The following FREM1 variants were observed in gnomAD, a reference collection of about 807,000 sequenced individuals.
FREM1 encodes the protein FRAS1-related extracellular matrix protein 1.
FREM1 carries 220 observed loss-of-function variants against 210.1 expected under a neutral mutation model. That is an observed-to-expected ratio of 1.05 (90% CI 0.94 to 1.17). The LOEUF is 1.17. Among genes scored for constraint, FREM1 ranks in the 50% most tolerant of loss-of-function variants. FREM1 has a pLI of 0.00. For missense variants in FREM1, 3,454 were observed against 2,675.5 expected (o/e 1.29, Z -6.42); for synonymous variants, 1,189 against 980.2 (o/e 1.21, Z -3.98).
chr9:14,820,503 C>G (rs927474820), intron 13 of FREM1, among the ~76,000 whole-genome samples: 3 of 152,162 alleles, frequency 2.0e-5, no homozygotes, highest in Non-Finnish European at 4.4e-5. Context: ...AGGATGACAA[C>G]AAATTGGAAG....
chr9:14,803,840 T>C (rs1041230511), intron 19 of FREM1, among the ~76,000 whole-genome samples: 15 of 152,260 alleles, frequency 9.9e-5, no homozygotes, highest in African/African-American at 3.6e-4. Context: ...TAAAGTGGCA[T>C]CATAGTTCAA....
Position 14,748,420 on chromosome 9 carries a change from G to A in FREM1, c.5777C>T (p.Thr1926Ile), listed in dbSNP as rs558279436. ...CCTTACTGTTTTGCCATTCCCACGGGTCCTAAGCTTCCTTTGAGAAAGATC... is the reference window on the plus strand; with the variant it reads ...CCTTACTGTTTTGCCATTCCCACGGATCCTAAGCTTCCTTTGAGAAAGATC... ...STDLSQRKLR[T>I]RGNGKTVRPS... The change falls in exon 31 of 37, where the codon ACC becomes ATC. Residue 1926 changes from threonine (T) to isoleucine (I), a missense_variant. Thr to Ile is a moderately conservative substitution (Grantham distance 89). Transcript: ENST00000380880. 1.2e-6 allele frequency: 2 copies of A among 1,610,608 alleles called. No homozygotes were observed. The highest frequency in any genetic ancestry group is 2.2e-5 in the South Asian group (2 of 90,982).
chr9:14,811,369 C>T lies in FREM1; in HGVS notation c.2893+1443G>A, dbSNP rs538062689. 5.3e-5 allele frequency among the ~76,000 whole-genome samples: 8 copies of T among 152,292 alleles called. No individual in the cohort carries two copies. The East Asian group carries it at 7.7e-4, about 15-fold the overall frequency. On this transcript the variant is annotated intron_variant, in intron 16 of 36. Coordinates refer to ENST00000380880, the MANE Select transcript of FREM1 (RefSeq NM_001379081.2). ...AAAAGAAGACAGATTCTTCTCACCC[C>T]TAATTTACCTGTGCTGCATGAGCCT...
At chr9:14,769,370 G>C (rs777979726) in intron 27 of FREM1, among the ~76,000 whole-genome samples, 2 of 152,144 alleles carry the variant, frequency 1.3e-5, no homozygotes, top group Non-Finnish European at 2.9e-5. Flanking sequence ...CACGGTCCTA[G>C]AGTGACCTCT....
intron 36 of FREM1, 141 bp from the exon 37 acceptor site, chr9:14,737,736 T>C (rs554351913): frequency 4.6e-5 from 28 of 609,618 alleles, no homozygotes; most frequent in Non-Finnish European, 6.3e-5. Flanking sequence ...CTTGGAATAC[T>C]CTAAGACACA....
At chr9:14,773,605 A>ATT (rs60938956) in intron 25 of FREM1, among the ~76,000 whole-genome samples, 2,144 of 143,524 alleles carry the variant, frequency 0.015, 30 homozygotes, top group South Asian at 0.043. Context: ...ACACGTAATG[A>ATT]TTTTTTTTTT....
chr9:14,778,176 A>C (rs893327726), intron 24 of FREM1, among the ~76,000 whole-genome samples: 1 of 152,196 alleles, frequency 6.6e-6, no homozygotes, highest in African/African-American at 2.4e-5. Context: ...TTATAGATTG[A>C]GCAAAATCAC....
At chr9:14,876,565 TC>T (rs1588537370) in intron 1 of FREM1, among the ~76,000 whole-genome samples, 1 of 152,116 alleles carries the variant, frequency 6.6e-6, no homozygotes, top group Non-Finnish European at 1.5e-5. Context: ...GACCCAATCT[TC>T]CAGGTGCCGT....
At chr9:14,809,124 T>C (rs1203266717) in intron 16 of FREM1, among the ~76,000 whole-genome samples, 1 of 152,204 alleles carries the variant, frequency 6.6e-6, no homozygotes, top group Non-Finnish European at 1.5e-5. Flanking sequence ...TGAATGAGTC[T>C]CATGAGATCC....
chr9:14,883,740 C>T (rs1159101016), intron 1 of FREM1, among the ~76,000 whole-genome samples: 3 of 152,200 alleles, frequency 2.0e-5, no homozygotes, highest in African/African-American at 7.2e-5. Flanking sequence ...TAATGGGAAG[C>T]CTAGCACATC....
intron 1 of FREM1, among the ~76,000 whole-genome samples, chr9:14,870,435 T>C (rs1832407519): frequency 6.6e-6 from 1 of 152,224 alleles, no homozygotes; most frequent in Non-Finnish European, 1.5e-5. Flanking sequence ...TAGGTTGGCT[T>C]ATTTGGGCAA....
At chr9:14,805,856 C>T (rs1205658434) in intron 18 of FREM1, among the ~76,000 whole-genome samples, 1 of 152,198 alleles carries the variant, frequency 6.6e-6, no homozygotes, top group Non-Finnish European at 1.5e-5. Context: ...GCCTGAAATA[C>T]AAGACCTATT....
chr9:14,741,508 G>C (rs1841575505), intron 35 of FREM1, among the ~76,000 whole-genome samples: 1 of 152,136 alleles, frequency 6.6e-6, no homozygotes, highest in Non-Finnish European at 1.5e-5. Context: ...TTGACTCTCA[G>C]CTCCTGTCTG....
chr9:14,900,141 T>G (rs1181210425), intron 1 of FREM1, among the ~76,000 whole-genome samples: 1 of 152,186 alleles, frequency 6.6e-6, no homozygotes, highest in East Asian at 1.9e-4. Flanking sequence ...GCGCTATTAA[T>G]GAGAACGGGA....
chr9:14,802,357 G>A (rs1187801233), intron 19 of FREM1, among the ~76,000 whole-genome samples: 2 of 152,132 alleles, frequency 1.3e-5, no homozygotes, highest in Admixed American at 6.5e-5. Flanking sequence ...CATATTTGGT[G>A]GTTTTTATTT....
intron 1 of FREM1, among the ~76,000 whole-genome samples, chr9:14,873,061 T>C (rs1832996207): frequency 6.6e-6 from 1 of 152,142 alleles, no homozygotes; most frequent in Admixed American, 6.5e-5. Flanking sequence ...TGCTGCTGGA[T>C]TCGGTTTGCC....
chr9:14,739,977 C>CAA (rs377218862), intron 36 of FREM1, among the ~76,000 whole-genome samples, 172 bp downstream of exon 36: 3 of 151,258 alleles, frequency 2.0e-5, no homozygotes, highest in African/African-American at 7.3e-5. Context: ...AGTAGTGTGT[C>CAA]AAAAAAAAGG....
Position 14,857,615 on chromosome 9 carries a change from TG to T in FREM1, c.765del (p.Asn256ThrfsTer57). Reference protein sequence around the residue: ...LRYQHLDPPSPNIDYISIQLD... With the variant: ...LRYQHLDPPSXNIDYISIQLD... ...AGTTGGATGGAGATATAATCAATGT[TG>T]GGTGAAGGGGGATCCAGATGCTGAT... On this transcript the variant is annotated frameshift_variant, in exon 5 of 37. Transcript: ENST00000380880. LOFTEE classifies it high-confidence loss of function. The T allele has an allele frequency of 6.2e-7, 1 of 1,613,892 alleles. No individual in the cohort carries two copies. Among genetic ancestry groups the T allele is most frequent in the Non-Finnish European group, 8.5e-7 (1 of 1,179,858 alleles).
In FREM1 at chr9:14,876,659, G is replaced by C. The variant is rs182324717; in HGVS notation, c.-267-7415C>G. On this transcript the variant is annotated intron_variant, in intron 1 of 36. Transcript: ENST00000380880. Reference sequence around the variant, plus strand: ...GTGAGGCAATGCCTCACCCTGCTTCGGCTCAAGCACAGTGCGCTGCACCCA... The same window carrying C: ...GTGAGGCAATGCCTCACCCTGCTTCCGCTCAAGCACAGTGCGCTGCACCCA... Among the ~76,000 whole-genome samples the C allele has an allele frequency of 8.5e-3, 1,296 of 152,176 alleles. 20 individuals are homozygous for C. The highest frequency in any genetic ancestry group is 0.03 in the African/African-American group (1,230 of 41,530).
Sources: gnomAD v4.1 joint callset for allele counts (sites outside exome capture counted in the v4.1 genomes callset) on GRCh38, gnomAD v4.1.1 for gene constraint, MANE v1.5 for transcripts, NCBI Gene and HGNC (gene_info 2026-07-23, HGNC 2026-07-21) for gene names.